Variants in PRKN observed in about 807,000 individuals in gnomAD.
PRKN encodes the protein parkin RBR E3 ubiquitin protein ligase, also known as E3 ubiquitin-protein ligase parkin.
PRKN carries 56 observed loss-of-function variants against 59.5 expected under a neutral mutation model. That is an observed-to-expected ratio of 0.94 (90% confidence interval 0.76 to 1.18). The LOEUF is 1.18. Ranked by LOEUF, PRKN falls within the 50% of genes most tolerant of loss-of-function variation. The pLI, the probability that PRKN is intolerant of heterozygous loss-of-function variation, is 0.00. For missense variants in PRKN, 657 were observed against 596.4 expected (o/e 1.10, Z -1.06); for synonymous variants, 250 against 222.1 (o/e 1.13, Z -1.12).
At chr6:162,342,718 T>C (rs553197059) in intron 2 of PRKN, among the ~76,000 whole-genome samples, 1 of 152,292 alleles carries the variant, frequency 6.6e-6, no homozygotes, top group East Asian at 1.9e-4. Context: ...GTGTTGTCAT[T>C]TGCCGCATGA....
At chr6:161,913,273 A>G (rs548455081) in intron 6 of PRKN, among the ~76,000 whole-genome samples, 1 of 152,320 alleles carries the variant, frequency 6.6e-6, no homozygotes, top group African/African-American at 2.4e-5. Flanking sequence ...AAACTGGGAA[A>G]AGACTAAGCA....
chr6:161,612,316 T>C (rs1461518942), intron 7 of PRKN, among the ~76,000 whole-genome samples: 1 of 152,232 alleles, frequency 6.6e-6, no homozygotes, highest in Non-Finnish European at 1.5e-5. Flanking sequence ...AATGACTGGC[T>C]TCAAAGCTTC....
chr6:161,875,915 G>C (rs533035049), intron 6 of PRKN, among the ~76,000 whole-genome samples: 17 of 152,226 alleles, frequency 1.1e-4, no homozygotes, highest in African/African-American at 4.1e-4. Context: ...GTGCCGTTAT[G>C]TAACCCATGA....
At chr6:162,192,805 A>C (rs1784339492) in intron 4 of PRKN, among the ~76,000 whole-genome samples, 2 of 152,154 alleles carry the variant, frequency 1.3e-5, no homozygotes, top group Non-Finnish European at 2.9e-5. Flanking sequence ...TGAGAATTTC[A>C]AACTAGCAGC....
At chr6:162,465,735 T>A (rs1244365552) in intron 1 of PRKN, among the ~76,000 whole-genome samples, 1 of 152,210 alleles carries the variant, frequency 6.6e-6, no homozygotes, top group Non-Finnish European at 1.5e-5. Context: ...CACAGTGACA[T>A]GGACATTTAG....
chr6:161,985,941 G>A (rs768091575), intron 5 of PRKN, among the ~76,000 whole-genome samples: 10 of 152,130 alleles, frequency 6.6e-5, no homozygotes, highest in East Asian at 1.9e-4. Flanking sequence ...GATGTCTTTC[G>A]GCCTCAGTGT....
chr6:161,902,564 A>ATCTATTTTTTTTTTTTTTTTTTTTTTTTT (rs1242030157), intron 6 of PRKN, among the ~76,000 whole-genome samples: 2 of 112,046 alleles, frequency 1.8e-5, no homozygotes, highest in Admixed American at 1.0e-4. Flanking sequence ...TTATTTATTT[A>ATCTATTTTTTTTTTTTTTTTTTTTTTTTT]TTTTTTTTTT....
intron 7 of PRKN, among the ~76,000 whole-genome samples, chr6:161,737,680 C>T (rs912456737): frequency 6.6e-6 from 1 of 152,138 alleles, no homozygotes; most frequent in Non-Finnish European, 1.5e-5. Context: ...TACTGAGTGG[C>T]AGGGCCTTGG....
chr6:162,179,968 CTGTGTGTG>C (rs61592555), intron 4 of PRKN, among the ~76,000 whole-genome samples: 65,250 of 139,792 alleles, frequency 0.47, 16,349 homozygotes, highest in Non-Finnish European at 0.59. Context: ...TATCTTATTA[CTGTGTGTG>C]TGTGTGTGTG....
chr6:162,491,388 G>A (rs1340058723), intron 1 of PRKN, among the ~76,000 whole-genome samples: 1 of 152,120 alleles, frequency 6.6e-6, no homozygotes, highest in African/African-American at 2.4e-5. Context: ...GAAAACCTGA[G>A]ATCACCATGC....
intron 4 of PRKN, among the ~76,000 whole-genome samples, chr6:162,186,406 A>T (rs1784033387): frequency 6.6e-6 from 1 of 152,082 alleles, no homozygotes; most frequent in Admixed American, 6.6e-5. Flanking sequence ...ACATCTCATG[A>T]ACATCATATT....
chr6:162,458,647 T>G (rs1289897569), intron 1 of PRKN, among the ~76,000 whole-genome samples: 4 of 119,298 alleles, frequency 3.4e-5, no homozygotes, highest in African/African-American at 1.1e-4. Context: ...TTGTTGCCTT[T>G]TTTTTTTTTT....
intron 1 of PRKN, among the ~76,000 whole-genome samples, chr6:162,461,892 T>G (rs542901810): frequency 6.6e-6 from 1 of 151,326 alleles, no homozygotes; most frequent in Non-Finnish European, 1.5e-5. Context: ...ATTTCAGAGA[T>G]AAGGGAAAAT....
intron 4 of PRKN, among the ~76,000 whole-genome samples, chr6:162,154,524 G>GAA (rs5881452): frequency 1.3e-4 from 18 of 143,184 alleles, no homozygotes; most frequent in South Asian, 2.2e-4. Context: ...TACAAAAGGA[G>GAA]AAAAAAAAAA....
intron 2 of PRKN, among the ~76,000 whole-genome samples, chr6:162,400,306 G>T (rs898746920): frequency 6.6e-6 from 1 of 151,616 alleles, no homozygotes; most frequent in Non-Finnish European, 1.5e-5. Flanking sequence ...ATGACCTGTA[G>T]ACAACACCAG....
intron 9 of PRKN, among the ~76,000 whole-genome samples, chr6:161,387,628 C>A (rs1353478492): frequency 6.6e-6 from 1 of 152,146 alleles, no homozygotes; most frequent in Non-Finnish European, 1.5e-5. Flanking sequence ...TGTTTACATT[C>A]AATATTTGTT....
At chr6:162,364,483 TAAATA>T (rs1344612244) in intron 2 of PRKN, among the ~76,000 whole-genome samples, 1 of 151,870 alleles carries the variant, frequency 6.6e-6, no homozygotes, top group African/African-American at 2.4e-5. Flanking sequence ...AAACATAAAA[TAAATA>T]AAATAAAAGA....
At position 161,561,821 on chromosome 6, in the gene PRKN, T is replaced by C. The variant is rs1210939150; in HGVS notation, c.933+7534A>G. On this transcript the variant is annotated intron_variant, in intron 8 of 11. Transcript: ENST00000366898. The surrounding 1 kb of genome is among the most constrained non-coding windows in gnomAD (Gnocchi z 5.0). ...GTCTTGTGGTTGCTGCATTTCTCTTTCTCTTCATAGCAAACCCTCTAGAAG... is the reference window on the plus strand; with the variant it reads ...GTCTTGTGGTTGCTGCATTTCTCTTCCTCTTCATAGCAAACCCTCTAGAAG... Among the ~76,000 whole-genome samples, 5 of 152,284 alleles carry C rather than the reference T, an allele frequency of 3.3e-5. No individual in the cohort carries two copies. The East Asian group carries it at 7.8e-4, about 24-fold the overall frequency.
intron 2 of PRKN, among the ~76,000 whole-genome samples, chr6:162,440,069 C>G (rs1020332444): frequency 2.9e-4 from 44 of 152,252 alleles, no homozygotes; most frequent in African/African-American, 1.0e-3. Context: ...CCTACTCCAG[C>G]TTCCCAGAAG....
Sources: gnomAD v4.1 joint callset for allele counts (sites outside exome capture counted in the v4.1 genomes callset) on GRCh38, gnomAD v4.1.1 for gene constraint, Gnocchi (gnomAD v3.1) non-coding constraint, MANE v1.5 for transcripts, NCBI Gene and HGNC (gene_info 2026-07-23, HGNC 2026-07-21) for gene names.